The following ABCA1 variants were observed in gnomAD, a reference collection of about 807,000 sequenced individuals.
ABCA1 encodes phospholipid-transporting ATPase ABCA1.
In ABCA1, 133 loss-of-function variants were observed where a neutral mutation model predicts 262.5. That is an observed-to-expected ratio of 0.51 (90% confidence interval 0.44 to 0.59). The LOEUF (loss-of-function observed/expected upper bound fraction) is 0.59, where lower values mean the gene tolerates loss of function less well. Among genes scored for constraint, ABCA1 ranks in the 20% least tolerant of loss-of-function variants. The pLI, the probability that ABCA1 is intolerant of heterozygous loss-of-function variation, is 0.00. For synonymous variants in ABCA1, 1,022 were observed against 1,043.5 expected (o/e 0.98, Z 0.40); for missense variants, 2,452 against 2,777.5 (o/e 0.88, Z 2.63).
Position 104,831,689 on chromosome 9 carries a change from G to A in ABCA1, c.1648C>T (p.His550Tyr). The A allele has an allele frequency of 3.1e-6, 5 of 1,614,138 alleles. No homozygotes were observed. Among genetic ancestry groups the A allele is most frequent in the Non-Finnish European group, 4.2e-6 (5 of 1,179,994 alleles). ...GITPGSIELP[H>Y]HVKYKIRMDI... ...ATTCGGATCTTGTACTTGACATGAT[G>A]GGGCAGCTCAATGCTGCCTGGAGTA... Residue 550 changes from histidine to tyrosine, a missense_variant, in exon 13 of 50, where the codon CAT (histidine) becomes TAT (tyrosine). Transcript: ENST00000374736.
At position 104,831,014 on chromosome 9, in the gene ABCA1, C is replaced by T; in HGVS notation, c.1803G>A (p.Glu601=). 2 of 1,614,074 alleles carry T rather than the reference C, an allele frequency of 1.2e-6. No homozygotes were observed. Among genetic ancestry groups the T allele is most frequent in the Non-Finnish European group, 1.7e-6 (2 of 1,180,022 alleles). Residue 601 remains glutamate, a synonymous_variant, in exon 14 of 50, where the codon GAG becomes GAA. Coordinates refer to ENST00000374736, the MANE Select transcript of ABCA1 (RefSeq NM_005502.4). ...CCGTCAGCACCCTGATGATTGCCTG[C>T]TCCACCACATCCTGCAAGTAGGCGA... ...GGFAYLQDVV[E]QAIIRVLTGT... is the part of the protein sequence containing the mutation.
chr9:104,793,960 T>C (rs2118867130), intron 40 of ABCA1, among the ~76,000 whole-genome samples: 1 of 152,328 alleles, frequency 6.6e-6, no homozygotes, highest in Admixed American at 6.5e-5. Context: ...TTTTATAGAC[T>C]GTGTAAAAGA....
rs73663549 is a variant in ABCA1, at chr9:104,800,042, G to A, written c.4774-54C>T. The A allele has an allele frequency of 1.5e-3, 2,368 of 1,604,638 alleles. 36 individuals carry two copies. The African/African-American group carries it at 0.028, about 19-fold the overall frequency. On this transcript the variant is annotated intron_variant, in intron 35 of 49. Coordinates refer to ENST00000374736, the MANE Select transcript of ABCA1 (RefSeq NM_005502.4). ...AATGCCCCCAAACCGGGCTCCTGCA[G>A]GCAGGTGCATACCCACCAACCATGC...
In ABCA1 at chr9:104,799,749, C is replaced by T. The variant is rs369479994; in HGVS notation, c.4943+70G>A. ...AGCTGTTCCCCTACAATGAGATTCA[C>T]ATTTTTCTCCCCTTCTCCATAACCC... On this transcript the variant is annotated intron_variant, in intron 36 of 49. Coordinates refer to ENST00000374736, the MANE Select transcript of ABCA1 (RefSeq NM_005502.4). The T allele has an allele frequency of 5.7e-5, 92 of 1,613,638 alleles. No individual in the cohort carries two copies. The African/African-American group carries it at 1.2e-3, about 21-fold the overall frequency.
At chr9:104,904,370 C>T (rs1441482185) in intron 1 of ABCA1, among the ~76,000 whole-genome samples, 1 of 152,028 alleles carries the variant, frequency 6.6e-6, no homozygotes, top group Non-Finnish European at 1.5e-5. Flanking sequence ...GAAATCGAGA[C>T]CATCCTAGCC....
rs765894881 is a variant in ABCA1, at chr9:104,816,254, T to G, written c.3627A>C (p.Pro1209=). 6.2e-7 allele frequency: 1 copy of G among 1,614,070 alleles called. No individual in the cohort carries two copies. Among genetic ancestry groups the G allele is most frequent in the African/African-American group, 1.3e-5 (1 of 74,924 alleles). The change falls in exon 25 of 50, where the codon CCA becomes CCC. Residue 1209 remains proline (P), a synonymous_variant. Coordinates refer to ENST00000374736, the MANE Select transcript of ABCA1 (RefSeq NM_005502.4). ...DIGHELTYVL[P]YEAAKEGAFV... is the part of the protein sequence containing the mutation. The stretch of plus-strand genomic sequence containing the variant: ...AGGCTCCCTCCTTAGCAGCTTCATA[T>G]GGCAGCACATAGGTCAGCTCATGCC...
chr9:104,810,722 T>C, intron 29 of ABCA1, 78 bp downstream of exon 29: 2 of 1,607,374 alleles, frequency 1.2e-6, no homozygotes, highest in Non-Finnish European at 1.7e-6. Flanking sequence ...AATTCTGAAG[T>C]CCATTCCCTT....
chr9:104,784,503 C>G, intron 49 of ABCA1, 48 bp from the exon 50 acceptor site: 1 of 1,610,740 alleles, frequency 6.2e-7, no homozygotes, highest in Non-Finnish European at 8.5e-7. Flanking sequence ...TCAACTTGCT[C>G]ATTCTTTATT....
intron 7 of ABCA1, among the ~76,000 whole-genome samples, chr9:104,857,815 G>A (rs1321803827): frequency 6.6e-6 from 1 of 152,130 alleles, no homozygotes; most frequent in African/African-American, 2.4e-5. Flanking sequence ...CCAGAATCCT[G>A]GATATTAAAT....
chr9:104,890,557 G>A (rs530309073), intron 2 of ABCA1, among the ~76,000 whole-genome samples: 142 of 152,060 alleles, frequency 9.3e-4, no homozygotes, highest in African/African-American at 3.3e-3. Context: ...CTCCAGCTGG[G>A]GCAACAGAGA....
chr9:104,887,051 G>T (rs1839239576), intron 3 of ABCA1, among the ~76,000 whole-genome samples: 1 of 152,238 alleles, frequency 6.6e-6, no homozygotes, highest in Non-Finnish European at 1.5e-5. Flanking sequence ...GCTGAGGCGG[G>T]CGAATCACCT....
chr9:104,862,368 C>G (rs1836495902), intron 5 of ABCA1, among the ~76,000 whole-genome samples: 1 of 136,208 alleles, frequency 7.3e-6, no homozygotes, highest in African/African-American at 3.0e-5. Flanking sequence ...CTTGGCCTCC[C>G]AAAGTGCTGA....
At chr9:104,908,117 C>CAT (rs2118461967) in intron 1 of ABCA1, among the ~76,000 whole-genome samples, 1 of 152,276 alleles carries the variant, frequency 6.6e-6, no homozygotes, top group Admixed American at 6.5e-5. Flanking sequence ...AATGAGATAT[C>CAT]ATTACATACC....
intron 1 of ABCA1, among the ~76,000 whole-genome samples, chr9:104,905,808 A>T (rs1336471438): frequency 6.6e-6 from 1 of 152,206 alleles, no homozygotes; most frequent in Non-Finnish European, 1.5e-5. Flanking sequence ...AGCTACATGA[A>T]TCTCTTGAAA....
At chr9:104,856,060 T>A in intron 7 of ABCA1, 1 of 1,607,348 alleles carries the variant, frequency 6.2e-7, no homozygotes, top group African/African-American at 1.3e-5. Flanking sequence ...TAACTGCCCA[T>A]GTGCAATGTC....
At chr9:104,866,748 A>G (rs1383564890) in intron 5 of ABCA1, among the ~76,000 whole-genome samples, 1 of 152,138 alleles carries the variant, frequency 6.6e-6, no homozygotes, top group Non-Finnish European at 1.5e-5. Context: ...TTGGCCTCCC[A>G]AAGTGCTAGG....
At chr9:104,849,271 T>C (rs1271778121) in intron 7 of ABCA1, among the ~76,000 whole-genome samples, 1 of 152,192 alleles carries the variant, frequency 6.6e-6, no homozygotes, top group African/African-American at 2.4e-5. Context: ...CATAGGTCCT[T>C]ATTAAGTTTG....
intron 7 of ABCA1, among the ~76,000 whole-genome samples, chr9:104,853,355 A>G (rs1309214158): frequency 6.6e-6 from 1 of 152,180 alleles, no homozygotes; most frequent in Non-Finnish European, 1.5e-5. Context: ...TCAACCCCAC[A>G]TTCCTCCCAC....
At position 104,831,071 on chromosome 9, in the gene ABCA1, G is replaced by T. The variant is rs1210623898; in HGVS notation, c.1746C>A (p.Pro582=). Reference sequence around the variant, plus strand: ...CCCAGACGTACCGCATGTCCTCAAAGGGGTCAGCTCGAGGACCAGGGTCCC... The same window carrying T: ...CCCAGACGTACCGCATGTCCTCAAATGGGTCAGCTCGAGGACCAGGGTCCC... ...GYWDPGPRAD[P]FEDMRYVWGG... The change falls in exon 14 of 50, where the codon CCC becomes CCA. Residue 582 remains proline, a synonymous_variant. Transcript: ENST00000374736. The T allele has an allele frequency of 1.2e-6, 2 of 1,611,868 alleles. No homozygotes were observed. The highest frequency in any genetic ancestry group is 8.5e-7 in the Non-Finnish European group (1 of 1,179,682).
Sources: gnomAD v4.1 joint callset for allele counts (sites outside exome capture counted in the v4.1 genomes callset) on GRCh38, gnomAD v4.1.1 for gene constraint, MANE v1.5 for transcripts, NCBI Gene and HGNC (gene_info 2026-07-23, HGNC 2026-07-21) for gene names.